The following TMEM132C variants were observed in gnomAD, a reference collection of about 807,000 sequenced individuals.
TMEM132C encodes protein phosphatase 1, regulatory subunit 152.
TMEM132C carries 29 observed loss-of-function variants against 61.4 expected under a neutral mutation model. The ratio of observed to expected loss-of-function variants is 0.47; its 90% CI spans 0.35 to 0.64. TMEM132C has a LOEUF of 0.64. TMEM132C is among the 30% of genes least tolerant of loss of function. The pLI is 0.00. For missense variants in TMEM132C, 1,408 were observed against 1,476.9 expected, an observed-to-expected ratio of 0.95 and a Z score of 0.76; for synonymous variants, 656 against 633.1, an observed-to-expected ratio of 1.04 and a Z score of -0.54.
intron 1 of TMEM132C, among the ~76,000 whole-genome samples, chr12:128,400,559 C>T (rs747196572): frequency 1.4e-4 from 21 of 151,514 alleles, no homozygotes; most frequent in East Asian, 5.8e-4. Context: ...TCTGACTGCC[C>T]GCTAGATGCT....
intron 1 of TMEM132C, among the ~76,000 whole-genome samples, chr12:128,298,272 A>T (rs1275827442): frequency 2.0e-5 from 3 of 152,144 alleles, no homozygotes; most frequent in African/African-American, 7.2e-5. Flanking sequence ...CTCCAGCCTC[A>T]GGTTCTCCCG....
At chr12:128,394,907 C>CAAA in intron 1 of TMEM132C, among the ~76,000 whole-genome samples, 1 of 132,316 alleles carries the variant, frequency 7.6e-6, no homozygotes, top group African/African-American at 2.7e-5. Context: ...CCTTATTTTC[C>CAAA]AAAAAAAAAA....
intron 2 of TMEM132C, among the ~76,000 whole-genome samples, chr12:128,446,021 C>G (rs1190796180): frequency 6.6e-6 from 1 of 152,170 alleles, no homozygotes; most frequent in Admixed American, 6.5e-5. Flanking sequence ...GTCCTTTTCC[C>G]CACTCATGCT....
chr12:128,271,123 G>A (rs1196896990), intron 1 of TMEM132C, among the ~76,000 whole-genome samples: 1 of 151,766 alleles, frequency 6.6e-6, no homozygotes, highest in African/African-American at 2.4e-5. Context: ...GCGTGGTGGC[G>A]GGGGCCTCTA....
intron 1 of TMEM132C, among the ~76,000 whole-genome samples, chr12:128,321,104 A>G (rs1872314906): frequency 6.7e-6 from 1 of 150,224 alleles, no homozygotes; most frequent in Non-Finnish European, 1.5e-5. Flanking sequence ...TTGTAGGAGG[A>G]GCTGAGGTCC....
intron 1 of TMEM132C, among the ~76,000 whole-genome samples, chr12:128,355,074 C>T (rs1192921943): frequency 6.6e-6 from 1 of 152,182 alleles, no homozygotes; most frequent in African/African-American, 2.4e-5. Flanking sequence ...AAATCCCTCC[C>T]CCTGCAGTTC....
At chr12:128,705,049 G>A (rs1449540860) in intron 8 of TMEM132C, 41 bp from the exon 9 acceptor site, 13 of 1,472,910 alleles carry the variant, frequency 8.8e-6, no homozygotes, top group South Asian at 4.1e-5. Flanking sequence ...AAGGGAAAAG[G>A]CATCCCCCAG....
At chr12:128,517,265 T>TAAATAAATAAAC (rs1168389584) in intron 2 of TMEM132C, among the ~76,000 whole-genome samples, 238 of 136,592 alleles carry the variant, frequency 1.7e-3, no homozygotes, top group Admixed American at 2.6e-3. Flanking sequence ...AATAAATAAA[T>TAAATAAATAAAC]AAACAAACAA....
At chr12:128,284,634 A>G (rs537595769) in intron 1 of TMEM132C, among the ~76,000 whole-genome samples, 1 of 152,216 alleles carries the variant, frequency 6.6e-6, no homozygotes, top group Non-Finnish European at 1.5e-5. Context: ...TTCTATGCAC[A>G]GATTAGACTT....
At chr12:128,270,773 T>A (rs954254458) in intron 1 of TMEM132C, among the ~76,000 whole-genome samples, 2 of 152,256 alleles carry the variant, frequency 1.3e-5, no homozygotes, top group Non-Finnish European at 2.9e-5. Context: ...TACTGTGTTT[T>A]AGCCTCTTAG....
chr12:128,395,874 A>G (rs980252410), intron 1 of TMEM132C, among the ~76,000 whole-genome samples: 4 of 152,084 alleles, frequency 2.6e-5, no homozygotes, highest in Non-Finnish European at 4.4e-5. Flanking sequence ...ATATAAACTG[A>G]TGTTCACTGA....
intron 5 of TMEM132C, among the ~76,000 whole-genome samples, chr12:128,674,028 T>C (rs1954560511): frequency 6.6e-6 from 1 of 152,232 alleles, no homozygotes; most frequent in Non-Finnish European, 1.5e-5. Flanking sequence ...ACTTCAAATG[T>C]ACAATTCAGT....
chr12:128,464,788 G>GC (rs1870666929), intron 2 of TMEM132C, among the ~76,000 whole-genome samples: 1 of 142,824 alleles, frequency 7.0e-6, no homozygotes, highest in African/African-American at 2.7e-5. Flanking sequence ...AAGAAAGAGA[G>GC]AAAGAGAGGG....
chr12:128,563,559 C>T (rs555316581), intron 3 of TMEM132C, among the ~76,000 whole-genome samples: 1 of 152,284 alleles, frequency 6.6e-6, no homozygotes, highest in East Asian at 1.9e-4. Flanking sequence ...CATCTAATGT[C>T]CCCCATTAGT....
intron 2 of TMEM132C, among the ~76,000 whole-genome samples, chr12:128,453,113 T>C (rs1870230482): frequency 1.3e-5 from 2 of 152,190 alleles, no homozygotes; most frequent in African/African-American, 4.8e-5. Context: ...GTTGATTCTT[T>C]AGTGACTGCA....
At chr12:128,553,845 AG>A (rs1342753794) in intron 3 of TMEM132C, among the ~76,000 whole-genome samples, 4 of 152,168 alleles carry the variant, frequency 2.6e-5, no homozygotes, top group Non-Finnish European at 4.4e-5. Context: ...AGATGAGTGA[AG>A]GGGCCAGGGA....
chr12:128,643,533 C>T (rs542352563), intron 4 of TMEM132C, among the ~76,000 whole-genome samples: 2 of 151,936 alleles, frequency 1.3e-5, no homozygotes, highest in African/African-American at 4.8e-5. Flanking sequence ...CTGACAGCAT[C>T]ACACACGTCC....
chr12:128,624,498 C>T (rs993536077), intron 4 of TMEM132C, among the ~76,000 whole-genome samples: 11 of 139,328 alleles, frequency 7.9e-5, no homozygotes, highest in African/African-American at 2.5e-4. Context: ...GAGCCGAGAT[C>T]GTGCCATTGC....
At chr12:128,341,097 G>C (rs1233734610) in intron 1 of TMEM132C, among the ~76,000 whole-genome samples, 1 of 151,784 alleles carries the variant, frequency 6.6e-6, no homozygotes, top group African/African-American at 2.4e-5. Context: ...CCCACTACCA[G>C]GACCGGCTAG....
Sources: gnomAD v4.1 joint callset for allele counts (sites outside exome capture counted in the v4.1 genomes callset) on GRCh38, gnomAD v4.1.1 for gene constraint, MANE v1.5 for transcripts, NCBI Gene and HGNC (gene_info 2026-07-23, HGNC 2026-07-21) for gene names.